FAAH2: variants seen among roughly 807,000 people sequenced by gnomAD.
The protein encoded by FAAH2 is fatty-acid amide hydrolase 2.
In FAAH2, 60 loss-of-function variants were observed where a neutral mutation model predicts 36.9. That is an observed-to-expected ratio of 1.63 (90% confidence interval 1.32 to 2.02). FAAH2 has a LOEUF of 2.02. Ranked by LOEUF, FAAH2 falls within the 30% of genes most tolerant of loss-of-function variation. FAAH2 has a pLI of 0.00. For synonymous variants in FAAH2, 214 were observed against 143.8 expected, an observed-to-expected ratio of 1.49 and a Z score of -3.49; for missense variants, 689 against 397.5, an observed-to-expected ratio of 1.73 and a Z score of -6.23.
intron 7 of FAAH2, among the ~76,000 whole-genome samples, chrX:57,424,050 A>G (rs1451233054): frequency 9.0e-6 from 1 of 110,917 alleles, no homozygotes; most frequent in Non-Finnish European, 1.9e-5. Flanking sequence ...TGCCCACACA[A>G]CCCCAGCTAC....
At chrX:57,128,889 A>G in the FAAH2 span, among the ~76,000 whole-genome samples, 2,206 of 111,666 alleles carry the variant, frequency 0.02, 27 homozygotes, top group Non-Finnish European at 0.031. Context: ...ACAAGTTCAC[A>G]TAGTGATAAG....
At chrX:57,484,397 C>T (rs1569377700) in intron 10 of FAAH2, among the ~76,000 whole-genome samples, 1 of 110,931 alleles carries the variant, frequency 9.0e-6, no homozygotes, top group Non-Finnish European at 1.9e-5. Flanking sequence ...ACACTTAGGC[C>T]TCTGCTGGAA....
the FAAH2 span, among the ~76,000 whole-genome samples, chrX:57,228,087 G>T: frequency 0.025 from 2,782 of 112,148 alleles, 97 homozygotes; most frequent in African/African-American, 0.085. Context: ...CAAATGAAAA[G>T]GGCTTTAGTT....
chrX:57,177,888 T>C, the FAAH2 span, among the ~76,000 whole-genome samples: 4 of 110,306 alleles, frequency 3.6e-5, no homozygotes, highest in Admixed American at 3.9e-4. Flanking sequence ...TCAGGAATGC[T>C]TGGCCTGCAG....
chrX:57,378,886 A>C, intron 6 of FAAH2, 100 bp downstream of exon 6: 1 of 1,019,010 alleles, frequency 9.8e-7, no homozygotes, highest in Non-Finnish European at 1.3e-6. Context: ...CCTCAAGCAA[A>C]TAATTTTTAC....
chrX:57,408,693 G>A (rs1324364416), intron 7 of FAAH2, among the ~76,000 whole-genome samples: 1 of 111,104 alleles, frequency 9.0e-6, no homozygotes, highest in Non-Finnish European at 1.9e-5. Flanking sequence ...GATGTTAGCT[G>A]TGGGCTTGTG....
intron 2 of FAAH2, among the ~76,000 whole-genome samples, chrX:57,309,251 G>T (rs2052625282): frequency 9.0e-6 from 1 of 111,187 alleles, no homozygotes; most frequent in Admixed American, 9.6e-5. Context: ...GTCCATTATA[G>T]AACATTTGCA....
At chrX:57,337,525 G>C (rs191525127) in intron 4 of FAAH2, among the ~76,000 whole-genome samples, 22 of 111,848 alleles carry the variant, frequency 2.0e-4, no homozygotes, top group African/African-American at 6.8e-4. Flanking sequence ...CTGGCAAACA[G>C]AATTTAGCAG....
At chrX:57,185,206 C>T in the FAAH2 span, among the ~76,000 whole-genome samples, 5 of 110,719 alleles carry the variant, frequency 4.5e-5, no homozygotes, top group Admixed American at 3.9e-4. Flanking sequence ...TTTATTAACT[C>T]ACCATCCCCA....
At chrX:57,124,369 G>T in the FAAH2 span, among the ~76,000 whole-genome samples, 1 of 111,662 alleles carries the variant, frequency 9.0e-6, no homozygotes, top group African/African-American at 3.3e-5. Flanking sequence ...CTATATCTCT[G>T]TTTTGGTACC....
chrX:57,342,391 G>A (rs1352754404), intron 5 of FAAH2, among the ~76,000 whole-genome samples: 1 of 111,352 alleles, frequency 9.0e-6, no homozygotes, highest in Non-Finnish European at 1.9e-5. Context: ...TGGGAGGATG[G>A]TTAGGATCAG....
At chrX:57,400,391 G>T (rs773259035) in intron 7 of FAAH2, among the ~76,000 whole-genome samples, 1 of 111,997 alleles carries the variant, frequency 8.9e-6, no homozygotes, top group Non-Finnish European at 1.9e-5. Flanking sequence ...CTGGCCCCTC[G>T]GACCTGTGTA....
chrX:57,369,590 G>A (rs2054501564), intron 5 of FAAH2, among the ~76,000 whole-genome samples: 1 of 111,038 alleles, frequency 9.0e-6, no homozygotes, highest in Non-Finnish European at 1.9e-5. Context: ...AATAAATTGA[G>A]GTAAAAATGC....
At chrX:57,141,133 G>GTT in the FAAH2 span, among the ~76,000 whole-genome samples, 1 of 111,347 alleles carries the variant, frequency 9.0e-6, no homozygotes, top group African/African-American at 3.3e-5. Flanking sequence ...TTTGTTGAGA[G>GTT]TTTTTTTCAT....
the FAAH2 span, among the ~76,000 whole-genome samples, chrX:57,122,358 C>A: frequency 3.8e-4 from 42 of 111,761 alleles, no homozygotes; most frequent in African/African-American, 1.3e-3. Context: ...TGCACTTGGT[C>A]CGTAAAACTC....
At chrX:57,391,173 T>G (rs1374109451) in intron 7 of FAAH2, among the ~76,000 whole-genome samples, 1 of 110,524 alleles carries the variant, frequency 9.0e-6, no homozygotes, top group Admixed American at 9.7e-5. Context: ...TTTAATGGGG[T>G]TTTTTTTGTT....
At chrX:57,194,474 T>A in the FAAH2 span, among the ~76,000 whole-genome samples, 87 of 111,883 alleles carry the variant, frequency 7.8e-4, no homozygotes, top group African/African-American at 2.6e-3. Flanking sequence ...ATCTTTTGCA[T>A]TAATTTATTC....
chrX:57,386,278 G>A (rs1332244677), intron 7 of FAAH2, among the ~76,000 whole-genome samples: 4 of 111,350 alleles, frequency 3.6e-5, no homozygotes, highest in Non-Finnish European at 7.5e-5. Flanking sequence ...CATAGGTAAA[G>A]GAGAAAGGTA....
intron 7 of FAAH2, among the ~76,000 whole-genome samples, chrX:57,382,545 C>T (rs1312469269): frequency 1.8e-5 from 2 of 111,887 alleles, no homozygotes; most frequent in African/African-American, 3.2e-5. Context: ...ATACTATAAA[C>T]ATCTCTATGC....
Sources: allele counts gnomAD v4.1 joint callset (sites outside exome capture counted in the v4.1 genomes callset), GRCh38; gene constraint gnomAD v4.1.1; transcripts MANE v1.5; gene names NCBI Gene and HGNC (gene_info 2026-07-23, HGNC 2026-07-21).